PDCD11: variants seen among roughly 807,000 people sequenced by gnomAD.
PDCD11 encodes the protein programmed cell death 11.
Under a neutral mutation model 198.9 loss-of-function variants are expected in PDCD11, and 97 were observed. The ratio of observed to expected loss-of-function variants is 0.49; its 90% CI spans 0.41 to 0.58. The LOEUF is 0.58. Ranked by LOEUF, PDCD11 falls within the 20% of genes least tolerant of loss-of-function variation. The pLI is 0.00. For missense variants in PDCD11, 2,102 were observed against 2,312.7 expected (o/e 0.91, Z 1.87); for synonymous variants, 893 against 918.0 (o/e 0.97, Z 0.49).
intron 15 of PDCD11, 151 bp from the exon 16 acceptor site, chr10:103,419,387 G>C: frequency 1.3e-6 from 1 of 793,722 alleles, no homozygotes; most frequent in Non-Finnish European, 2.0e-6. Context: ...AGTTTCAGGC[G>C]ATGTTGATGC....
chr10:103,413,084 C>T, intron 8 of PDCD11, 32 bp from the exon 9 acceptor site: 2 of 1,591,964 alleles, frequency 1.3e-6, no homozygotes, highest in Non-Finnish European at 8.6e-7. Flanking sequence ...TGTGTGCCTC[C>T]TCCTGCTCAC....
intron 21 of PDCD11, among the ~76,000 whole-genome samples, chr10:103,429,250 G>T (rs1045976321): frequency 1.3e-5 from 2 of 152,094 alleles, no homozygotes; most frequent in African/African-American, 4.8e-5. Flanking sequence ...AGTCTTAAAC[G>T]GTGTCTCTGG....
chr10:103,416,450 G>GATC, intron 12 of PDCD11, 41 bp from the exon 13 acceptor site: 2 of 1,606,750 alleles, frequency 1.2e-6, no homozygotes, highest in Non-Finnish European at 1.7e-6. Flanking sequence ...TGGCTCTCAT[G>GATC]ATAACAGATA....
In PDCD11 at chr10:103,416,663, A is replaced by G. The variant is rs2031126235; in HGVS notation, c.1691A>G (p.Asn564Ser). The change falls in exon 13 of 36, where the codon AAT becomes AGT. Residue 564 changes from asparagine to serine, a missense_variant. Asn to Ser is a conservative substitution (Grantham distance 46). Transcript: ENST00000369797. ...DYGCIVKFYN[N>S]VQGLVPKHEL... ...GGCTGCATTGTGAAGTTCTACAACAATGTGCAGGGACTGGTGCCCAAGCAT... is the reference window on the plus strand; with the variant it reads ...GGCTGCATTGTGAAGTTCTACAACAGTGTGCAGGGACTGGTGCCCAAGCAT... 1 of 1,614,244 alleles carries G rather than the reference A, an allele frequency of 6.2e-7. No individual in the cohort carries two copies. Among genetic ancestry groups the G allele is most frequent in the Non-Finnish European group, 8.5e-7 (1 of 1,180,044 alleles).
intron 21 of PDCD11, 52 bp from the exon 22 acceptor site, chr10:103,432,077 G>T (rs2031958606): frequency 1.5e-6 from 2 of 1,377,552 alleles, no homozygotes; most frequent in Non-Finnish European, 2.1e-6. Context: ...TTTCAAACTG[G>T]AAGTCTTATC....
chr10:103,443,987 G>A lies in PDCD11; in HGVS notation c.5197G>A (p.Ala1733Thr). The change falls in exon 34 of 36, where the codon GCC (alanine) becomes ACC (threonine). Residue 1733 changes from alanine to threonine, a missense_variant. Coordinates refer to ENST00000369797, the MANE Select transcript of PDCD11 (RefSeq NM_014976.2). The stretch of plus-strand genomic sequence containing the variant: ...GAAAGCTGTGTGGATCAAATACGGC[G>A]CCTTCCTTCTGCGGAGGAGCCAGGC... ...QEKAVWIKYG[A>T]FLLRRSQAAA... The A allele has an allele frequency of 7.4e-6, 12 of 1,613,812 alleles. No homozygotes were observed. The highest frequency in any genetic ancestry group is 9.3e-6 in the Non-Finnish European group (11 of 1,179,952).
intron 5 of PDCD11, 136 bp from the exon 6 acceptor site, chr10:103,405,849 G>A (rs2030411642): frequency 4.5e-6 from 4 of 896,898 alleles, no homozygotes; most frequent in South Asian, 1.6e-5. Context: ...TAGTGGGATT[G>A]TGGCTTAAGG....
Position 103,425,124 on chromosome 10 carries a change from G to T in PDCD11, c.2904G>T (p.Glu968Asp). The change falls in exon 20 of 36, where the codon GAG becomes GAT. Residue 968 changes from glutamate (E) to aspartate (D), a missense_variant. Transcript: ENST00000369797. ...HLNDTFRFDS[E>D]KLQVGQGVSL... is the part of the protein sequence containing the mutation. ...ACGACACCTTCCGCTTTGACTCAGAGAAATTGCAGGTGGGACAGGGTGTCT... is the reference window on the plus strand; with the variant it reads ...ACGACACCTTCCGCTTTGACTCAGATAAATTGCAGGTGGGACAGGGTGTCT... 1 of 1,614,228 alleles carries T rather than the reference G, an allele frequency of 6.2e-7. No homozygotes were observed. The highest frequency in any genetic ancestry group is 2.2e-5 in the East Asian group (1 of 44,888).
chr10:103,415,024 A>G lies in PDCD11; in HGVS notation c.1391A>G (p.Lys464Arg), dbSNP rs768262213. Reference protein sequence around the residue: ...AVVKGTVLTIKSYGMLVKVGE... With the variant: ...AVVKGTVLTIRSYGMLVKVGE... Reference sequence around the variant, plus strand: ...CTCTAGGGCACAGTGCTAACCATAAAGTCATATGGGATGCTGGTGAAGGTG... The same window carrying G: ...CTCTAGGGCACAGTGCTAACCATAAGGTCATATGGGATGCTGGTGAAGGTG... Residue 464 changes from lysine (K) to arginine (R), a missense_variant, in exon 12 of 36, where the codon AAG becomes AGG. By Grantham distance (26) the Lys-to-Arg change is conservative. Coordinates refer to ENST00000369797, the MANE Select transcript of PDCD11 (RefSeq NM_014976.2). 5 of 1,614,106 alleles carry G rather than the reference A, an allele frequency of 3.1e-6. No individual in the cohort carries two copies. The highest frequency in any genetic ancestry group is 1.7e-4 in the Middle Eastern group (1 of 6,060).
At chr10:103,410,695 A>G (rs1025164773) in intron 8 of PDCD11, among the ~76,000 whole-genome samples, 2 of 150,634 alleles carry the variant, frequency 1.3e-5, no homozygotes, top group African/African-American at 4.9e-5. Context: ...TGCAGCTTCA[A>G]TCTCCTGGAC....
In PDCD11 at chr10:103,405,089, G is replaced by C. The variant is rs1326866939; in HGVS notation, c.470G>C (p.Gly157Ala). The C allele has an allele frequency of 1.9e-6, 3 of 1,613,944 alleles. No individual in the cohort carries two copies. The highest frequency in any genetic ancestry group is 2.5e-6 in the Non-Finnish European group (3 of 1,179,970). The change falls in exon 5 of 36, where the codon GGC (glycine) becomes GCC (alanine). Residue 157 changes from glycine to alanine, a missense_variant. Physicochemically the swap from Gly to Ala is moderately conservative, Grantham distance 60. Transcript: ENST00000369797. Reference protein sequence around the residue: ...MLVRCVVSSLGITDRGKKSVK... With the variant: ...MLVRCVVSSLAITDRGKKSVK... ...GTAAGATGTGTGGTGAGCAGTCTGG[G>C]CATCACAGACAGGGGCAAGAAGAGT...
chr10:103,438,740 G>C lies in PDCD11; in HGVS notation c.3957G>C (p.Gln1319His). The change falls in exon 27 of 36, where the codon CAG becomes CAC. Residue 1319 changes from glutamine (Q) to histidine (H), a missense_variant. Coordinates refer to ENST00000369797, the MANE Select transcript of PDCD11 (RefSeq NM_014976.2). ...AAGATCCAGAGATTAACTCCATCCAGGACATTAAGGAAGGGCAGCTTCTGA... is the reference window on the plus strand; with the variant it reads ...AAGATCCAGAGATTAACTCCATCCACGACATTAAGGAAGGGCAGCTTCTGA... ...KVEDPEINSIQDIKEGQLLRG... is the reference protein window; with the variant it reads ...KVEDPEINSIHDIKEGQLLRG... 6.2e-7 allele frequency: 1 copy of C among 1,614,186 alleles called. No homozygotes were observed. Among genetic ancestry groups the C allele is most frequent in the South Asian group, 1.1e-5 (1 of 91,086 alleles).
chr10:103,425,499 T>A lies in PDCD11; in HGVS notation c.3279T>A (p.Ile1093=). The A allele has an allele frequency of 6.8e-6, 11 of 1,611,062 alleles. No homozygotes were observed. Among genetic ancestry groups the A allele is most frequent in the Non-Finnish European group, 9.3e-6 (11 of 1,177,552 alleles). ...GGAAGACGGTCACTGCCCGAGTGAT[T>A]GGCGGGCGAGACATGAAGACATTCA... ...KVGKTVTARV[I]GGRDMKTFKY... Residue 1093 remains isoleucine, a synonymous_variant, in exon 20 of 36, where the codon ATT becomes ATA. Transcript: ENST00000369797.
intron 21 of PDCD11, among the ~76,000 whole-genome samples, chr10:103,429,576 A>T (rs564482550): frequency 6.6e-6 from 1 of 152,016 alleles, no homozygotes; most frequent in East Asian, 1.9e-4. Context: ...TCTTCCTTTT[A>T]TGTGTATCTG....
At chr10:103,435,701 C>T (rs939804537) in intron 25 of PDCD11, among the ~76,000 whole-genome samples, 4 of 152,164 alleles carry the variant, frequency 2.6e-5, no homozygotes, top group African/African-American at 9.7e-5. Context: ...TTAGTAGAGA[C>T]TAGGTTTCGC....
At chr10:103,414,120 A>G (rs749787579) in intron 10 of PDCD11, 30 bp downstream of exon 10, 3 of 1,600,348 alleles carry the variant, frequency 1.9e-6, no homozygotes, top group Non-Finnish European at 2.6e-6. Context: ...GTAGGGGTGT[A>G]GAGATGTGCA....
Position 103,438,059 on chromosome 10 carries a change from T to C in PDCD11, c.3890T>C (p.Leu1297Pro). ...STADNVLTLS[L>P]RSSRTNPETK... ...GCAGACAACGTATTGACTTTGTCGC[T>C]GCGATCATCCAGGTGGGTTTCTGTG... The change falls in exon 26 of 36, where the codon CTG (leucine) becomes CCG (proline). Residue 1297 changes from leucine to proline, a missense_variant. Leu to Pro is a moderately conservative substitution (Grantham distance 98). Transcript: ENST00000369797. The C allele has an allele frequency of 6.2e-7, 1 of 1,613,504 alleles. No homozygotes were observed. The highest frequency in any genetic ancestry group is 1.1e-5 in the South Asian group (1 of 91,076).
intron 3 of PDCD11, among the ~76,000 whole-genome samples, chr10:103,402,126 T>A (rs1316230622): frequency 1.3e-5 from 2 of 152,220 alleles, no homozygotes; most frequent in African/African-American, 4.8e-5. Flanking sequence ...AGGCCCGTAT[T>A]CCCTCATGTT....
chr10:103,397,413 G>C (rs1037906897), intron 1 of PDCD11, among the ~76,000 whole-genome samples: 3 of 151,944 alleles, frequency 2.0e-5, no homozygotes, highest in Non-Finnish European at 4.4e-5. Context: ...TCTAATTCAA[G>C]GTCTTCCACA....
Sources: gnomAD v4.1 joint callset for allele counts (sites outside exome capture counted in the v4.1 genomes callset) on GRCh38, gnomAD v4.1.1 for gene constraint, MANE v1.5 for transcripts, NCBI Gene and HGNC (gene_info 2026-07-23, HGNC 2026-07-21) for gene names.